The following LRRC28 variants were observed in gnomAD, a reference collection of about 807,000 sequenced individuals.
LRRC28 encodes the protein leucine rich repeat containing 28.
In LRRC28, 39 loss-of-function variants were observed where a neutral mutation model predicts 45.7. The ratio of observed to expected loss-of-function variants is 0.85; its 90% confidence interval spans 0.66 to 1.12. The LOEUF (loss-of-function observed/expected upper bound fraction) is 1.12, where lower values mean the gene tolerates loss of function less well. Ranked by LOEUF, LRRC28 falls within the 50% of genes most tolerant of loss-of-function variation. The pLI is 0.00. For missense variants in LRRC28, 435 were observed against 438.5 expected (o/e 0.99, Z 0.07); for synonymous variants, 206 against 178.8 (o/e 1.15, Z -1.22).
chr15:99,305,832 C>G (rs1423430281), intron 5 of LRRC28, among the ~76,000 whole-genome samples: 2 of 152,188 alleles, frequency 1.3e-5, no homozygotes, highest in Non-Finnish European at 2.9e-5. Context: ...AATGTTCAAA[C>G]TGAGCTCTAC....
chr15:99,308,532 C>T (rs1030734800), intron 5 of LRRC28, among the ~76,000 whole-genome samples: 18 of 151,936 alleles, frequency 1.2e-4, no homozygotes, highest in Admixed American at 9.8e-4. Flanking sequence ...CTTAGTTAGG[C>T]GTGGTGGCAC....
At chr15:99,337,510 G>A (rs1009056463) in intron 6 of LRRC28, among the ~76,000 whole-genome samples, 2 of 152,238 alleles carry the variant, frequency 1.3e-5, no homozygotes, top group African/African-American at 4.8e-5. Context: ...AAGGAGGTGG[G>A]CATCTCTTCT....
intron 3 of LRRC28, among the ~76,000 whole-genome samples, chr15:99,277,096 T>C (rs1342451482): frequency 1.3e-5 from 2 of 152,188 alleles, no homozygotes; most frequent in African/African-American, 2.4e-5. Context: ...GTTTTTTTAA[T>C]GCACCAGTGT....
At chr15:99,280,810 T>C (rs1385178113) in intron 3 of LRRC28, among the ~76,000 whole-genome samples, 2 of 152,158 alleles carry the variant, frequency 1.3e-5, no homozygotes, top group Non-Finnish European at 2.9e-5. Context: ...TATACCCTGT[T>C]CCTGGCCCCT....
intron 1 of LRRC28, among the ~76,000 whole-genome samples, chr15:99,252,857 C>G (rs1238969729): frequency 6.6e-6 from 1 of 152,174 alleles, no homozygotes; most frequent in Non-Finnish European, 1.5e-5. Context: ...CCTGTCAACC[C>G]ATCACCTAGG....
At chr15:99,383,603 G>A (rs934490847) in intron 9 of LRRC28, among the ~76,000 whole-genome samples, 1 of 152,208 alleles carries the variant, frequency 6.6e-6, no homozygotes. Context: ...CTGCACTGAT[G>A]TAGTAGGCAT....
intron 5 of LRRC28, among the ~76,000 whole-genome samples, chr15:99,299,212 C>T (rs559633369): frequency 3.6e-4 from 55 of 152,214 alleles, no homozygotes; most frequent in African/African-American, 1.2e-3. Flanking sequence ...TTGATAAATA[C>T]GTTAACAAAG....
intron 6 of LRRC28, among the ~76,000 whole-genome samples, chr15:99,350,943 A>G (rs1956858406): frequency 6.6e-6 from 1 of 152,172 alleles, no homozygotes; most frequent in Non-Finnish European, 1.5e-5. Context: ...CTAGAGACAC[A>G]TGCCAGCACA....
At chr15:99,318,356 G>C (rs1415451231) in intron 5 of LRRC28, among the ~76,000 whole-genome samples, 1 of 151,984 alleles carries the variant, frequency 6.6e-6, no homozygotes, top group East Asian at 1.9e-4. Flanking sequence ...AAATATAACA[G>C]GTGCTTACAA....
chr15:99,317,276 A>G (rs1427894959), intron 5 of LRRC28, among the ~76,000 whole-genome samples: 1 of 152,168 alleles, frequency 6.6e-6, no homozygotes, highest in Non-Finnish European at 1.5e-5. Flanking sequence ...TGTTCCTTAA[A>G]ATGTTGATAA....
chr15:99,259,276 T>A, intron 2 of LRRC28: 2 of 1,089,744 alleles, frequency 1.8e-6, no homozygotes, highest in Non-Finnish European at 2.8e-6. Flanking sequence ...CTTCTCCATT[T>A]GTTTAGCGAC....
At chr15:99,258,889 G>A (rs1196786308) in intron 2 of LRRC28, 2 of 711,712 alleles carry the variant, frequency 2.8e-6, no homozygotes, top group South Asian at 1.4e-5. Flanking sequence ...TCCGTGATAC[G>A]ATGCCTAAGA....
At chr15:99,293,716 G>T (rs899023253) in intron 5 of LRRC28, among the ~76,000 whole-genome samples, 1 of 143,862 alleles carries the variant, frequency 7.0e-6, no homozygotes, top group Admixed American at 7.2e-5. Flanking sequence ...TTGCTGTGTT[G>T]CCCAAGCTGA....
chr15:99,311,762 T>C (rs539511078), intron 5 of LRRC28, among the ~76,000 whole-genome samples: 1 of 152,348 alleles, frequency 6.6e-6, no homozygotes, highest in Non-Finnish European at 1.5e-5. Flanking sequence ...TCTGGCCCTT[T>C]ACTGAAAAAA....
intron 9 of LRRC28, among the ~76,000 whole-genome samples, chr15:99,367,235 T>C (rs1427562170): frequency 6.6e-6 from 1 of 152,232 alleles, no homozygotes; most frequent in Non-Finnish European, 1.5e-5. Context: ...TTAGAGTGGC[T>C]CACAGAGCTC....
At chr15:99,365,988 TAATAA>T (rs1036299416) in intron 9 of LRRC28, among the ~76,000 whole-genome samples, 5 of 152,220 alleles carry the variant, frequency 3.3e-5, no homozygotes, top group Admixed American at 2.6e-4. Flanking sequence ...GATTATTTCT[TAATAA>T]AATAACATGT....
chr15:99,284,461 C>T (rs2081901650), intron 3 of LRRC28, among the ~76,000 whole-genome samples: 1 of 152,082 alleles, frequency 6.6e-6, no homozygotes, highest in African/African-American at 2.4e-5. Context: ...GAGTTTTTTG[C>T]CCATATACAT....
chr15:99,335,453 A>G (rs550480971), intron 6 of LRRC28, among the ~76,000 whole-genome samples: 89 of 152,330 alleles, frequency 5.8e-4, no homozygotes, highest in Middle Eastern at 3.4e-3. Flanking sequence ...ATGATTCTCA[A>G]ATGAGAAGAT....
chr15:99,375,499 G>GTTC (rs767747111), intron 9 of LRRC28, among the ~76,000 whole-genome samples: 26 of 152,028 alleles, frequency 1.7e-4, no homozygotes, highest in African/African-American at 5.8e-4. Flanking sequence ...GTTAGGAAGT[G>GTTC]TTCTTCTTCT....
Sources: gnomAD v4.1 joint callset for allele counts (sites outside exome capture counted in the v4.1 genomes callset) on GRCh38, gnomAD v4.1.1 for gene constraint, MANE v1.5 for transcripts, NCBI Gene and HGNC (gene_info 2026-07-23, HGNC 2026-07-21) for gene names.